The following APLF variants were observed in gnomAD, a reference collection of about 807,000 sequenced individuals.
APLF encodes aprataxin and PNK-like factor.
Under a neutral mutation model 55.6 loss-of-function variants are expected in APLF, and 61 were observed. That is an observed-to-expected ratio of 1.10 (90% CI 0.89 to 1.36). The LOEUF is 1.36. Ranked by LOEUF, APLF falls within the 40% of genes most tolerant of loss-of-function variation. The pLI, the probability that APLF is intolerant of heterozygous loss-of-function variation, is 0.00. For missense variants in APLF, 611 were observed against 602.5 expected (o/e 1.01, Z -0.15); for synonymous variants, 207 against 214.8 (o/e 0.96, Z 0.32).
chr2:68,553,498 A>G (rs892317964), intron 8 of APLF, among the ~76,000 whole-genome samples: 2 of 152,100 alleles, frequency 1.3e-5, no homozygotes, highest in Non-Finnish European at 2.9e-5. Flanking sequence ...TATTAGCTAT[A>G]TACTGTTTAG....
chr2:68,529,096 G>T lies in APLF; in HGVS notation c.804+2854G>T. On this transcript the variant is annotated intron_variant, in intron 6 of 9. Transcript: ENST00000303795. This position sits in a 1 kb window ranked among gnomAD's most constrained non-coding sequence, Gnocchi z 4.4. The stretch of plus-strand genomic sequence containing the variant: ...GGTTAAACTTGCCTCTGAGACGAGG[G>T]ATCCTCACGGGGCTGAGGTATCCAA... 1.5e-6 allele frequency: 2 copies of T among 1,379,186 alleles called. No homozygotes were observed. The highest frequency in any genetic ancestry group is 1.2e-5 in the South Asian group (1 of 80,572). The allele number at this position is 1,379,186 out of a possible 1,614,324, so 85.4% of individuals were successfully genotyped here.
intron 8 of APLF, among the ~76,000 whole-genome samples, chr2:68,562,598 T>A (rs115492252): frequency 0.011 from 1,707 of 152,120 alleles, 37 homozygotes; most frequent in African/African-American, 0.039. Context: ...TGGAGCTATT[T>A]CCCAGTGATT....
chr2:68,545,046 C>A, intron 7 of APLF, 141 bp from the exon 8 acceptor site: 1 of 926,034 alleles, frequency 1.1e-6, no homozygotes, highest in Admixed American at 2.8e-5. Flanking sequence ...TTGATGTAAT[C>A]TGCGCTTATG....
rs573252451 is a variant in APLF at position 68,572,680 on chromosome 2, A to G, written c.1334-5140A>G. Among the ~76,000 whole-genome samples, 121 of 131,728 alleles carry G rather than the reference A, an allele frequency of 9.2e-4. 1 individual carries two copies. Among genetic ancestry groups the G allele is most frequent in the African/African-American group, 4.9e-3 (118 of 24,242 alleles). 86.4% of individuals were successfully genotyped at this position (131,728 alleles called of 152,430 possible). On this transcript the variant is annotated intron_variant, in intron 9 of 9. Coordinates refer to ENST00000303795, the MANE Select transcript of APLF (RefSeq NM_173545.3). ...GTGAGACCACATCTCTACAAAAAAT[A>G]AAAAAAATTAACCAGTTGTGGTGAT...
intron 2 of APLF, among the ~76,000 whole-genome samples, chr2:68,492,956 A>G (rs1676417040): frequency 1.3e-5 from 2 of 152,068 alleles, no homozygotes; most frequent in Non-Finnish European, 2.9e-5. Context: ...CCTTTTTTTG[A>G]CAACTTAGAA....
At chr2:68,526,632 T>A (rs1670060956) in intron 6 of APLF, among the ~76,000 whole-genome samples, 1 of 152,216 alleles carries the variant, frequency 6.6e-6, no homozygotes, top group South Asian at 2.1e-4. Context: ...AAGAACTGAT[T>A]GAAGAGTGGC....
rs938058759 is a variant in APLF at position 68,580,041 on chromosome 2, G to T, written c.*2019G>T. 3 of 909,932 alleles carry T rather than the reference G, an allele frequency of 3.3e-6. No individual in the cohort carries two copies. The highest frequency in any genetic ancestry group is 1.0e-4 in the South Asian group (2 of 19,668). 56.4% of individuals were successfully genotyped at this position (909,932 alleles called of 1,614,324 possible). On this transcript the variant is annotated 3_prime_UTR_variant, in exon 10 of 10. Coordinates refer to ENST00000303795, the MANE Select transcript of APLF (RefSeq NM_173545.3). ...TATTTAATATCAAAGGATATTCTTC[G>T]TAGTAATGTAATAGTTCATGGTAGC...
chr2:68,504,064 T>G (rs1301138992), intron 3 of APLF, among the ~76,000 whole-genome samples: 2 of 151,888 alleles, frequency 1.3e-5, no homozygotes, highest in Non-Finnish European at 1.5e-5. Context: ...ACGTAAAACT[T>G]TATGCCAATA....
At chr2:68,507,059 C>T (rs1676891677) in intron 3 of APLF, among the ~76,000 whole-genome samples, 1 of 151,738 alleles carries the variant, frequency 6.6e-6, no homozygotes, top group African/African-American at 2.4e-5. Context: ...TGAGGCTGGG[C>T]ATGGAGAGGG....
chr2:68,551,141 CCTTTT>C (rs1226443062), intron 8 of APLF, among the ~76,000 whole-genome samples: 1 of 151,994 alleles, frequency 6.6e-6, no homozygotes, highest in Non-Finnish European at 1.5e-5. Context: ...GCTTAGCATA[CCTTTT>C]CTTTTATCAT....
intron 3 of APLF, among the ~76,000 whole-genome samples, chr2:68,512,141 C>G (rs995899774): frequency 2.6e-5 from 4 of 151,660 alleles, no homozygotes; most frequent in Non-Finnish European, 5.9e-5. Flanking sequence ...TAAAATACTA[C>G]TAGAGTGAGA....
chr2:68,520,314 TTTAA>T (rs1251268870), intron 5 of APLF, among the ~76,000 whole-genome samples: 4 of 152,052 alleles, frequency 2.6e-5, no homozygotes, highest in African/African-American at 7.2e-5. Context: ...AGCTTTTTAG[TTTAA>T]TTAAGTCCCA....
intron 9 of APLF, among the ~76,000 whole-genome samples, chr2:68,576,819 A>G (rs192178167): frequency 4.6e-4 from 70 of 152,310 alleles, no homozygotes; most frequent in Non-Finnish European, 9.0e-4. Flanking sequence ...ATACTAAAGT[A>G]CAGACATTAA....
intron 1 of APLF, among the ~76,000 whole-genome samples, chr2:68,478,887 G>T (rs78900985): frequency 0.025 from 3,876 of 152,286 alleles, 64 homozygotes; most frequent in South Asian, 0.043. Context: ...GACTTGGAGG[G>T]AAAAGATAAC....
At position 68,522,411 on chromosome 2, in the gene APLF, T is replaced by TA. The variant is rs199694760; in HGVS notation, c.623-3649dup. Among the ~76,000 whole-genome samples the TA allele has an allele frequency of 7.8e-3, 1,183 of 152,074 alleles. 14 individuals are homozygous for TA. The highest frequency in any genetic ancestry group is 0.027 in the African/African-American group (1,129 of 41,550). On this transcript the variant is annotated intron_variant, in intron 5 of 9. Transcript: ENST00000303795. ...CAATCTTATGATACCTTTTTATTTTTATACTCTGTTAGATTAAATTTGCTA... is the reference window on the plus strand; with the variant it reads ...CAATCTTATGATACCTTTTTATTTTTAATACTCTGTTAGATTAAATTTGCTA...
chr2:68,567,466 G>A, intron 9 of APLF, 79 bp downstream of exon 9: 1 of 1,140,040 alleles, frequency 8.8e-7, no homozygotes, highest in Non-Finnish European at 1.2e-6. Context: ...CAGTTATTAT[G>A]AAAATATTTT....
intron 8 of APLF, among the ~76,000 whole-genome samples, chr2:68,551,040 T>C (rs1352033659): frequency 1.3e-5 from 2 of 152,250 alleles, no homozygotes; most frequent in South Asian, 2.1e-4. Context: ...AGTGAAGATC[T>C]ACTAAAAAGA....
rs1364007232 is a variant in APLF at position 68,529,951 on chromosome 2, G to A, written c.804+3709G>A. ...GGGGCCTCTCCAGTGCCTCTGTGCC[G>A]CCTGGAGCCAGGCCCGCCTTCTCCA... On this transcript the variant is annotated intron_variant, in intron 6 of 9. Transcript: ENST00000303795. The surrounding 1 kb of genome is among the most constrained non-coding windows in gnomAD (Gnocchi z 4.4). 2.0e-5 allele frequency among the ~76,000 whole-genome samples: 3 copies of A among 152,324 alleles called. No individual in the cohort carries two copies. Among genetic ancestry groups the A allele is most frequent in the East Asian group, 1.9e-4 (1 of 5,176 alleles).
At chr2:68,505,491 G>T (rs946057607) in intron 3 of APLF, among the ~76,000 whole-genome samples, 2 of 151,820 alleles carry the variant, frequency 1.3e-5, no homozygotes, top group Non-Finnish European at 2.9e-5. Flanking sequence ...GAATTTTTTC[G>T]TATTGATGAA....
Sources: allele counts gnomAD v4.1 joint callset (sites outside exome capture counted in the v4.1 genomes callset), GRCh38; gene constraint gnomAD v4.1.1; non-coding constraint Gnocchi (gnomAD v3.1); transcripts MANE v1.5; gene names NCBI Gene and HGNC (gene_info 2026-07-23, HGNC 2026-07-21).